The following MYOM1 variants were observed in gnomAD, a reference collection of about 807,000 sequenced individuals.
MYOM1 encodes the protein myomesin-1.
Under a neutral mutation model 205.3 loss-of-function variants are expected in MYOM1, and 164 were observed. The observed-to-expected ratio is 0.80, with a 90% CI of 0.70 to 0.91. MYOM1 has a LOEUF of 0.91. Ranked by LOEUF, MYOM1 falls within the 40% of genes least tolerant of loss-of-function variation. The pLI, the probability that MYOM1 is intolerant of heterozygous loss-of-function variation, is 0.00. For synonymous variants in MYOM1, 772 were observed against 789.4 expected (o/e 0.98, Z 0.37); for missense variants, 2,011 against 2,127.3 (o/e 0.95, Z 1.08).
intron 11 of MYOM1, among the ~76,000 whole-genome samples, chr18:3,154,596 G>A (rs1197977319): frequency 2.1e-5 from 3 of 146,190 alleles, no homozygotes; most frequent in Non-Finnish European, 4.5e-5. Flanking sequence ...AGAAATCAGC[G>A]TTTCTAAGTA....
chr18:3,200,239 C>T (rs1456269425), intron 2 of MYOM1, among the ~76,000 whole-genome samples: 2 of 152,106 alleles, frequency 1.3e-5, no homozygotes, highest in East Asian at 1.9e-4. Context: ...AGCAACAACA[C>T]ACTCTGAGGA....
the MYOM1 span, among the ~76,000 whole-genome samples, chr18:3,233,679 A>G: frequency 8.5e-5 from 13 of 152,244 alleles, no homozygotes; most frequent in Non-Finnish European, 1.5e-4. Context: ...CTGACAAGTC[A>G]TATGAATGGA....
intron 23 of MYOM1, 56 bp from the exon 24 acceptor site, chr18:3,100,482 T>C (rs1423847228): frequency 2.3e-6 from 3 of 1,294,838 alleles, no homozygotes; most frequent in Non-Finnish European, 2.2e-6. Context: ...TGTGGGCCTG[T>C]GTTTCCCCTG....
intron 2 of MYOM1, among the ~76,000 whole-genome samples, chr18:3,210,526 T>C (rs1252175792): frequency 1.3e-5 from 2 of 152,188 alleles, no homozygotes; most frequent in African/African-American, 2.4e-5. Flanking sequence ...TGATTCTAAA[T>C]AGTGGGTTAA....
At chr18:3,102,431 C>A in intron 23 of MYOM1, 43 bp downstream of exon 23, 1 of 1,547,530 alleles carries the variant, frequency 6.5e-7, no homozygotes, top group South Asian at 1.3e-5. Context: ...CATTCTCCTA[C>A]AGTGAAAAGG....
chr18:3,132,154 T>C (rs888508092), intron 16 of MYOM1, among the ~76,000 whole-genome samples: 75 of 146,926 alleles, frequency 5.1e-4, no homozygotes, highest in Admixed American at 9.6e-4. Flanking sequence ...CTCTAAAATA[T>C]ATATATATAT....
intron 2 of MYOM1, among the ~76,000 whole-genome samples, chr18:3,204,387 A>T (rs999188749): frequency 6.6e-6 from 1 of 152,018 alleles, no homozygotes; most frequent in South Asian, 2.1e-4. Context: ...AGGTCATAGG[A>T]TATAAAATCA....
At chr18:3,174,454 C>G (rs111755134) in intron 6 of MYOM1, among the ~76,000 whole-genome samples, 1 of 151,508 alleles carries the variant, frequency 6.6e-6, no homozygotes, top group Non-Finnish European at 1.5e-5. Context: ...CTATAGTTCA[C>G]TGTGACCCTA....
At chr18:3,115,090 C>T (rs929177313) in intron 21 of MYOM1, among the ~76,000 whole-genome samples, 11 of 152,094 alleles carry the variant, frequency 7.2e-5, no homozygotes, top group African/African-American at 2.7e-4. Context: ...ACACCCACCA[C>T]CATCATCTAG....
At chr18:3,126,228 G>T (rs964330158) in intron 19 of MYOM1, among the ~76,000 whole-genome samples, 2 of 143,462 alleles carry the variant, frequency 1.4e-5, no homozygotes, top group Non-Finnish European at 3.0e-5. Flanking sequence ...TCACACTCCT[G>T]CATTCCAGCC....
rs941831519 is a variant in MYOM1, at chr18:3,103,469, G to C, written c.3419-839C>G. 2.0e-4 allele frequency among the ~76,000 whole-genome samples: 31 copies of C among 152,160 alleles called. 1 individual carries two copies. The highest frequency in any genetic ancestry group is 7.2e-4 in the African/African-American group (30 of 41,434). ...AGAGAATTCAAGGAGAATTTGTACA[G>C]CATATGAAACATTCACATCTATGCC... On this transcript the variant is annotated intron_variant, in intron 22 of 37. Transcript: ENST00000356443.
chr18:3,191,777 C>G (rs558430295), intron 3 of MYOM1, among the ~76,000 whole-genome samples: 207 of 151,770 alleles, frequency 1.4e-3, no homozygotes, highest in African/African-American at 4.6e-3. Flanking sequence ...CTCACTGCAA[C>G]CTCTGCCTCC....
At chr18:3,144,075 G>A (rs1004257591) in intron 13 of MYOM1, among the ~76,000 whole-genome samples, 8 of 151,764 alleles carry the variant, frequency 5.3e-5, no homozygotes, top group Non-Finnish European at 1.0e-4. Flanking sequence ...GCATTGTGGC[G>A]GGCATCTGTA....
At chr18:3,134,553 T>G in intron 16 of MYOM1, 97 bp downstream of exon 16, 6 of 1,352,924 alleles carry the variant, frequency 4.4e-6, no homozygotes, top group Non-Finnish European at 5.9e-6. Flanking sequence ...AAAGTAAAAT[T>G]TTTTAAAAAA....
chr18:3,070,719 C>T (rs148427119), intron 37 of MYOM1, among the ~76,000 whole-genome samples: 2,223 of 148,672 alleles, frequency 0.015, 22 homozygotes, highest in South Asian at 0.045. Flanking sequence ...TGGAAAGAAA[C>T]CAGAGGTGCA....
At chr18:3,157,124 C>G (rs1394341183) in intron 10 of MYOM1, among the ~76,000 whole-genome samples, 1 of 152,202 alleles carries the variant, frequency 6.6e-6, no homozygotes, top group East Asian at 1.9e-4. Context: ...CCACAACAAC[C>G]AGGAGCCCCT....
At chr18:3,104,085 C>T (rs1272910358) in intron 22 of MYOM1, among the ~76,000 whole-genome samples, 2 of 152,134 alleles carry the variant, frequency 1.3e-5, no homozygotes, top group South Asian at 2.1e-4. Flanking sequence ...ATATGTATTC[C>T]ATTGTAAGTT....
chr18:3,239,749 C>T, the MYOM1 span, among the ~76,000 whole-genome samples: 1 of 118,508 alleles, frequency 8.4e-6, no homozygotes, highest in South Asian at 2.8e-4. Flanking sequence ...ACAGCAACAC[C>T]TTGTCTCAAA....
intron 13 of MYOM1, 127 bp from the exon 14 acceptor site, chr18:3,142,190 T>C: frequency 8.8e-7 from 1 of 1,132,736 alleles, no homozygotes; most frequent in Non-Finnish European, 1.2e-6. Context: ...AGAAGTACCT[T>C]CTCTCTAAAA....
Sources: gnomAD v4.1 joint callset for allele counts (sites outside exome capture counted in the v4.1 genomes callset) on GRCh38, gnomAD v4.1.1 for gene constraint, MANE v1.5 for transcripts, NCBI Gene and HGNC (gene_info 2026-07-23, HGNC 2026-07-21) for gene names.